SIPA1L3: variants seen among roughly 807,000 people sequenced by gnomAD.
SIPA1L3 encodes signal-induced proliferation-associated 1-like protein 3.
Under a neutral mutation model 150.1 loss-of-function variants are expected in SIPA1L3, and 59 were observed. The ratio of observed to expected loss-of-function variants is 0.39; its 90% CI spans 0.32 to 0.49. The LOEUF is 0.49. Ranked by LOEUF, SIPA1L3 falls within the 20% of genes least tolerant of loss-of-function variation. The probability of loss-of-function intolerance (pLI) is 0.86; values close to 1 mark genes in which losing one functional copy is unlikely to be tolerated. For missense variants in SIPA1L3, 2,211 were observed against 2,489.5 expected, an observed-to-expected ratio of 0.89 and a Z score of 2.38; for synonymous variants, 1,070 against 1,077.6, an observed-to-expected ratio of 0.99 and a Z score of 0.14.
chr19:38,084,589 A>G (rs1332605553), intron 3 of SIPA1L3, among the ~76,000 whole-genome samples: 1 of 143,620 alleles, frequency 7.0e-6, no homozygotes, highest in Admixed American at 6.9e-5. Context: ...ACTAGCAGCT[A>G]GTACCCCACA....
chr19:38,048,392 T>C (rs1262238605), intron 2 of SIPA1L3, among the ~76,000 whole-genome samples: 1 of 152,112 alleles, frequency 6.6e-6, no homozygotes, highest in African/African-American at 2.4e-5. Context: ...CCAGTGATAA[T>C]CAGGGCCACT....
At chr19:38,059,259 C>T (rs1969396229) in intron 2 of SIPA1L3, among the ~76,000 whole-genome samples, 1 of 151,722 alleles carries the variant, frequency 6.6e-6, no homozygotes, top group South Asian at 2.1e-4. Context: ...CCTCAGCCTC[C>T]CAAAGGGCTT....
rs986686826 is a variant in SIPA1L3, at chr19:38,193,452, A to G, written c.4597-85A>G. On this transcript the variant is annotated intron_variant, in intron 17 of 21. Transcript: ENST00000222345. ...CTGGGTAGGTAAGGACTCGCCACCA[A>G]TGTCCTAGAGGGGAAGATGCCTCTG... 2.9e-6 allele frequency: 4 copies of G among 1,362,178 alleles called. No individual in the cohort carries two copies. In the South Asian group the frequency reaches 5.7e-5, roughly 19 times the overall value. The allele number at this position is 1,362,178 out of a possible 1,614,324, so 84.4% of individuals were successfully genotyped here.
chr19:38,169,406 T>C (rs1972278292), intron 15 of SIPA1L3, among the ~76,000 whole-genome samples: 1 of 151,046 alleles, frequency 6.6e-6, no homozygotes, highest in African/African-American at 2.4e-5. Context: ...AAAAAATCCA[T>C]GTGGATAAGA....
chr19:37,984,061 A>G (rs1465147756), intron 1 of SIPA1L3, among the ~76,000 whole-genome samples: 1 of 152,078 alleles, frequency 6.6e-6, no homozygotes, highest in East Asian at 1.9e-4. Context: ...TGGGAGAAAG[A>G]CCCAGCCCGG....
intron 1 of SIPA1L3, among the ~76,000 whole-genome samples, chr19:37,939,627 A>G (rs2046634868): frequency 1.3e-5 from 2 of 152,168 alleles, no homozygotes; most frequent in African/African-American, 4.8e-5. Flanking sequence ...AGCTCTAGCC[A>G]TTACGTCCCA....
intron 1 of SIPA1L3, chr19:37,964,090 C>T (rs1357659266): frequency 6.6e-6 from 1 of 152,142 alleles, no homozygotes; most frequent in African/African-American, 2.4e-5. Context: ...TATCATATTT[C>T]CCTTCACCCA....
At chr19:38,152,122 T>C (rs1485622658) in intron 12 of SIPA1L3, among the ~76,000 whole-genome samples, 1 of 152,020 alleles carries the variant, frequency 6.6e-6, no homozygotes, top group Non-Finnish European at 1.5e-5. Flanking sequence ...TTCCATCCAC[T>C]CCCCAACTCT....
At chr19:37,940,805 CCCCTGACCTCAAAG>C (rs1473338772) in intron 1 of SIPA1L3, among the ~76,000 whole-genome samples, 1 of 151,418 alleles carries the variant, frequency 6.6e-6, no homozygotes, top group Non-Finnish European at 1.5e-5. Flanking sequence ...TGGTCTCAAA[CCCCTGACCTCAAAG>C]GATCCTCCCA....
chr19:38,197,581 C>A (rs931734918), intron 18 of SIPA1L3, among the ~76,000 whole-genome samples: 6 of 152,024 alleles, frequency 3.9e-5, no homozygotes, highest in African/African-American at 1.2e-4. Flanking sequence ...CTGTGGCCAG[C>A]CTCCGTCCCA....
chr19:38,172,349 A>T lies in SIPA1L3; in HGVS notation c.4208+7443A>T, dbSNP rs116046123. Among the ~76,000 whole-genome samples the T allele has an allele frequency of 2.2e-3, 337 of 152,282 alleles. 1 individual carries two copies. Among genetic ancestry groups the T allele is most frequent in the African/African-American group, 7.5e-3 (310 of 41,556 alleles). ...CCAGCGGGGACTGATTCTTCCAGTC[A>T]CTGACCTTTGCAGCCCCTACTCTGT... On this transcript the variant is annotated intron_variant, in intron 15 of 21. Transcript: ENST00000222345.
rs756644139 is a variant in SIPA1L3, at chr19:38,082,909, C to T, written c.1344C>T (p.Ser448=). The T allele has an allele frequency of 2.5e-5, 40 of 1,613,114 alleles. No homozygotes were observed. The South Asian group carries it at 4.0e-4, about 16-fold the overall frequency. ...GCAACGTGAGCTTCTCCCGGGCTTC[C>T]GTGGGCTCCCCGAGCAGCGGCGAGG... ...CERNVSFSRA[S]VGSPSSGEGH... Residue 448 remains serine, a synonymous_variant, in exon 3 of 22, where the codon TCC becomes TCT. Transcript: ENST00000222345.
At position 38,177,221 on chromosome 19, in the gene SIPA1L3, T is replaced by C. The variant is rs913713404; in HGVS notation, c.4209-5298T>C. Reference sequence around the variant, plus strand: ...CCAAAAATAGAAAAAACTAGCCAGGTGTGGTGGTGGGCGCCTGTAGTCCCA... The same window carrying C: ...CCAAAAATAGAAAAAACTAGCCAGGCGTGGTGGTGGGCGCCTGTAGTCCCA... On this transcript the variant is annotated intron_variant, in intron 15 of 21. Transcript: ENST00000222345. 6.6e-5 allele frequency among the ~76,000 whole-genome samples: 10 copies of C among 151,108 alleles called. No individual in the cohort carries two copies. In the East Asian group the frequency reaches 1.6e-3, roughly 24 times the overall value.
chr19:38,141,040 A>G, intron 10 of SIPA1L3, 144 bp from the exon 11 acceptor site: 1 of 936,386 alleles, frequency 1.1e-6, no homozygotes. Flanking sequence ...CCTGGGCGAC[A>G]AAGCAAGACT....
At chr19:38,166,146 C>T (rs762313395) in intron 15 of SIPA1L3, among the ~76,000 whole-genome samples, 10 of 152,106 alleles carry the variant, frequency 6.6e-5, no homozygotes, top group Non-Finnish European at 1.3e-4. Flanking sequence ...GAGAGGCAGA[C>T]GGGAGTAAGA....
Position 38,164,849 on chromosome 19 carries a change from G to C in SIPA1L3, c.4151G>C (p.Gly1384Ala). ...TACCGACCGAAGCTGTACTCCTCCGGCTCCAGCACCCCCACGGGACTGGCG... is the reference window on the plus strand; with the variant it reads ...TACCGACCGAAGCTGTACTCCTCCGCCTCCAGCACCCCCACGGGACTGGCG... The part of the protein sequence containing the change: ...KGYRPKLYSS[G>A]SSTPTGLAGG... The change falls in exon 15 of 22, where the codon GGC becomes GCC. Residue 1384 changes from glycine to alanine, a missense_variant. Around this residue, in one of 5 missense-constraint regions of SIPA1L3, gnomAD observed 806 missense variants for 870.1 expected, o/e 0.93. Coordinates refer to ENST00000222345, the MANE Select transcript of SIPA1L3 (RefSeq NM_015073.3). The surrounding 1 kb of genome is among the most constrained non-coding windows in gnomAD (Gnocchi z 4.1). 6.3e-7 allele frequency: 1 copy of C among 1,592,574 alleles called. No homozygotes were observed. The highest frequency in any genetic ancestry group is 1.7e-5 in the Admixed American group (1 of 59,176).
rs983440829 is a variant in SIPA1L3, at chr19:38,164,013, G to A, written c.3781-466G>A. Among the ~76,000 whole-genome samples, 8 of 152,218 alleles carry A rather than the reference G, an allele frequency of 5.3e-5. No homozygotes were observed. The highest frequency in any genetic ancestry group is 1.9e-4 in the African/African-American group (8 of 41,464). On this transcript the variant is annotated intron_variant, in intron 14 of 21. Transcript: ENST00000222345. The surrounding 1 kb of genome is among the most constrained non-coding windows in gnomAD (Gnocchi z 4.1). ...GGACAGGACCACGCGGAGCCGTGGAGCAGGAAGTGACAGGTCCCGGATCTG... is the reference window on the plus strand; with the variant it reads ...GGACAGGACCACGCGGAGCCGTGGAACAGGAAGTGACAGGTCCCGGATCTG...
chr19:38,078,505 C>T (rs1287824935), intron 2 of SIPA1L3, among the ~76,000 whole-genome samples: 1 of 151,424 alleles, frequency 6.6e-6, no homozygotes, highest in African/African-American at 2.4e-5. Flanking sequence ...CACAGGCACA[C>T]AGACATGCAC....
chr19:37,934,364 G>A (rs2046581911), intron 1 of SIPA1L3, among the ~76,000 whole-genome samples: 3 of 152,160 alleles, frequency 2.0e-5, no homozygotes. Context: ...TAACACATAT[G>A]TCCCTTGAGC....
Sources: allele counts gnomAD v4.1 joint callset (sites outside exome capture counted in the v4.1 genomes callset), GRCh38; gene constraint gnomAD v4.1.1; regional missense constraint gnomAD v4.1.1; non-coding constraint Gnocchi (gnomAD v3.1); transcripts MANE v1.5; gene names NCBI Gene and HGNC (gene_info 2026-07-23, HGNC 2026-07-21).